CYP46A1: variants seen among roughly 807,000 people sequenced by gnomAD.
The protein encoded by CYP46A1 is cytochrome P450 family 46 subfamily A member 1.
Under a neutral mutation model 63.3 loss-of-function variants are expected in CYP46A1, and 20 were observed. The observed-to-expected ratio is 0.32, with a 90% CI of 0.22 to 0.46. CYP46A1 has a LOEUF of 0.46. Ranked by LOEUF, CYP46A1 falls within the 20% of genes least tolerant of loss-of-function variation. The pLI is 1.00. For synonymous variants in CYP46A1, 268 were observed against 273.6 expected (o/e 0.98, Z 0.20); for missense variants, 445 against 670.8 (o/e 0.66, Z 3.72).
chr14:99,685,868 G>A (rs898190460), intron 1 of CYP46A1, among the ~76,000 whole-genome samples: 2 of 151,920 alleles, frequency 1.3e-5, no homozygotes, highest in Non-Finnish European at 2.9e-5. Context: ...TTACCTGGAT[G>A]CTTCTTCCCC....
chr14:99,722,163 C>A lies in CYP46A1; in HGVS notation c.1176+97C>A. 1 of 857,864 alleles carries A rather than the reference C, an allele frequency of 1.2e-6. No individual in the cohort carries two copies. The allele number at this position is 857,864 out of a possible 1,614,324, so 53.1% of individuals were successfully genotyped here. ...CCAGGGGAGCCTGTGGCCCTGTTCC[C>A]ATCATTGCAACGGGCCTCACTGGCT... On this transcript the variant is annotated intron_variant, in intron 12 of 14. Transcript: ENST00000261835. This position sits in a 1 kb window ranked among gnomAD's most constrained non-coding sequence, Gnocchi z 4.6.
intron 1 of CYP46A1, 45 bp downstream of exon 1, chr14:99,684,581 G>C: frequency 7.2e-7 from 1 of 1,396,688 alleles, no homozygotes; most frequent in South Asian, 1.4e-5. Flanking sequence ...GCTGGGACTG[G>C]GGGCCTGGGG....
intron 11 of CYP46A1, among the ~76,000 whole-genome samples, chr14:99,721,562 G>A (rs2056846721): frequency 1.3e-5 from 2 of 152,144 alleles, no homozygotes; most frequent in Non-Finnish European, 2.9e-5. Context: ...TTAGTAAATG[G>A]TGCCGTATTT....
At chr14:99,685,584 C>A (rs897299449) in intron 1 of CYP46A1, among the ~76,000 whole-genome samples, 1 of 151,854 alleles carries the variant, frequency 6.6e-6, no homozygotes, top group African/African-American at 2.4e-5. Flanking sequence ...CAGTGCCTGG[C>A]GTGTTGCAGA....
intron 5 of CYP46A1, among the ~76,000 whole-genome samples, chr14:99,704,558 A>G (rs12435918): frequency 0.3 from 45,662 of 152,098 alleles, 7,046 homozygotes; most frequent in Middle Eastern, 0.37. Flanking sequence ...TGAGTCCACC[A>G]AGGGAGTCAG....
In CYP46A1 at chr14:99,726,628, C is replaced by A; in HGVS notation, c.1404C>A (p.Phe468Leu). ...TCCGGCTGGTGCCCGGGCAGCGCTT[C>A]GGGCTGCAGGAGCAGGCCACACTCA... ...LEFRLVPGQR[F>L]GLQEQATLKP... Residue 468 changes from phenylalanine (F) to leucine (L), a missense_variant, in exon 15 of 15, where the codon TTC becomes TTA. Coordinates refer to ENST00000261835, the MANE Select transcript of CYP46A1 (RefSeq NM_006668.2). 6.4e-7 allele frequency: 1 copy of A among 1,566,098 alleles called. No homozygotes were observed. The highest frequency in any genetic ancestry group is 8.6e-7 in the Non-Finnish European group (1 of 1,157,982).
intron 14 of CYP46A1, 47 bp from the exon 15 acceptor site, chr14:99,726,510 C>G (rs925206127): frequency 6.7e-7 from 1 of 1,483,902 alleles, no homozygotes; most frequent in Non-Finnish European, 9.0e-7. Context: ...CTCACTCATT[C>G]TGTCTTTGCT....
chr14:99,710,821 A>C (rs903945602), intron 7 of CYP46A1: 1 of 152,184 alleles, frequency 6.6e-6, no homozygotes, highest in Non-Finnish European at 1.5e-5. Context: ...GTATAGACCT[A>C]ATAGACATTT....
At chr14:99,711,734 C>T (rs1245045023) in intron 7 of CYP46A1, 1 of 152,036 alleles carries the variant, frequency 6.6e-6, no homozygotes, top group Non-Finnish European at 1.5e-5. Flanking sequence ...CAAACTATTC[C>T]AAAAAATTGA....
At chr14:99,720,960 C>G (rs2056840707) in intron 10 of CYP46A1, among the ~76,000 whole-genome samples, 1 of 152,192 alleles carries the variant, frequency 6.6e-6, no homozygotes, top group African/African-American at 2.4e-5. Context: ...TGGTGGGTGC[C>G]TGTAATCCCA....
chr14:99,717,291 G>A (rs955266753), intron 9 of CYP46A1, among the ~76,000 whole-genome samples: 2 of 152,100 alleles, frequency 1.3e-5, no homozygotes, highest in Non-Finnish European at 1.5e-5. Context: ...TGAGCCCTGC[G>A]TCCAGATGCT....
At chr14:99,723,004 C>G (rs1695765876) in intron 12 of CYP46A1, 2 of 414,688 alleles carry the variant, frequency 4.8e-6, no homozygotes, top group Admixed American at 2.4e-5. Context: ...AGTGGCTGCA[C>G]CAACTTGGAT....
Position 99,707,568 on chromosome 14 carries a change from G to A in CYP46A1, c.583G>A (p.Ala195Thr). The change falls in exon 7 of 15, where the codon GCA becomes ACA. Residue 195 changes from alanine (A) to threonine (T), a missense_variant and splice_region_variant. Ala to Thr is a moderately conservative substitution (Grantham distance 58). Coordinates refer to ENST00000261835, the MANE Select transcript of CYP46A1 (RefSeq NM_006668.2). ...GACCTTGCCCTTCTCTCTCCCCCAG[G>A]CAGCTTTTGGGATGGAGACCAGTAT... is the stretch of plus-strand genomic sequence containing the variant. ...TYTAMDILAK[A>T]AFGMETSMLL... The A allele has an allele frequency of 6.2e-7, 1 of 1,613,820 alleles. No individual in the cohort carries two copies. The highest frequency in any genetic ancestry group is 8.5e-7 in the Non-Finnish European group (1 of 1,179,808).
chr14:99,721,212 C>T (rs777182664), intron 10 of CYP46A1, 27 bp from the exon 11 acceptor site: 52 of 1,585,438 alleles, frequency 3.3e-5, no homozygotes, highest in Admixed American at 1.3e-4. Context: ...CCTTTGGAGA[C>T]GAACTTGTCT....
chr14:99,706,549 C>T (rs1421964273), intron 5 of CYP46A1, 98 bp from the exon 6 acceptor site: 30 of 1,510,364 alleles, frequency 2.0e-5, no homozygotes, highest in Non-Finnish European at 2.6e-5. Context: ...CACCCACCTT[C>T]ACTCTGCACA....
chr14:99,712,243 CT>C (rs2056740354), intron 7 of CYP46A1: 1 of 152,190 alleles, frequency 6.6e-6, no homozygotes, highest in Non-Finnish European at 1.5e-5. Context: ...AGGATGCCCA[CT>C]TTCATCACTC....
chr14:99,713,938 G>T (rs542101014), intron 7 of CYP46A1, among the ~76,000 whole-genome samples: 1 of 148,988 alleles, frequency 6.7e-6, no homozygotes, highest in Non-Finnish European at 1.5e-5. Flanking sequence ...AAAAGGTTCC[G>T]CACAGCAAAA....
At chr14:99,723,501 G>A (rs2056868227) in intron 12 of CYP46A1, among the ~76,000 whole-genome samples, 3 of 152,118 alleles carry the variant, frequency 2.0e-5, no homozygotes, top group Admixed American at 6.5e-5. Context: ...TAGAGATGGG[G>A]TTTCACCAGG....
chr14:99,712,568 A>C (rs904950656), intron 7 of CYP46A1: 1 of 152,214 alleles, frequency 6.6e-6, no homozygotes, highest in Non-Finnish European at 1.5e-5. Flanking sequence ...AAAATAAAAT[A>C]CCTAGGAATA....
Sources: gnomAD v4.1 joint callset for allele counts (sites outside exome capture counted in the v4.1 genomes callset) on GRCh38, gnomAD v4.1.1 for gene constraint, Gnocchi (gnomAD v3.1) non-coding constraint, MANE v1.5 for transcripts, NCBI Gene and HGNC (gene_info 2026-07-23, HGNC 2026-07-21) for gene names.